Variants in PPP1R13B observed in about 807,000 individuals in gnomAD.
PPP1R13B encodes the protein protein phosphatase 1 regulatory subunit 13B.
A neutral mutation model predicts 119.8 loss-of-function variants in PPP1R13B; 44 were observed. That is an observed-to-expected ratio of 0.37 (90% CI 0.29 to 0.47). The LOEUF is 0.47. Ranked by LOEUF, PPP1R13B falls within the 20% of genes least tolerant of loss-of-function variation. The pLI is 0.99. For synonymous variants in PPP1R13B, 542 were observed against 561.5 expected, an observed-to-expected ratio of 0.97 and a Z score of 0.49; for missense variants, 1,227 against 1,413.5, an observed-to-expected ratio of 0.87 and a Z score of 2.12.
intron 1 of PPP1R13B, among the ~76,000 whole-genome samples, chr14:103,812,628 AG>A (rs1375368043): frequency 1.3e-5 from 2 of 151,930 alleles, no homozygotes; most frequent in African/African-American, 4.8e-5. Context: ...CATGTTGGCC[AG>A]GCTGGTCTCG....
rs564274155 is a variant in PPP1R13B at position 103,847,517 on chromosome 14, C to G, written c.-210G>C. On this transcript the variant is annotated 5_prime_UTR_variant, in exon 1 of 17. Coordinates refer to ENST00000202556, the MANE Select transcript of PPP1R13B (RefSeq NM_015316.3). ...GCGCTGCGTCGCTGTCCCGGGCACC[C>G]GGCCGCCGCCGCCGCCGCCTCAACC... is the stretch of plus-strand genomic sequence containing the variant. The G allele has an allele frequency of 2.1e-4, 206 of 985,326 alleles. 1 individual carries two copies. The African/African-American group carries it at 3.5e-3, about 17-fold the overall frequency. 61.0% of individuals were successfully genotyped at this position (985,326 alleles called of 1,614,324 possible).
intron 4 of PPP1R13B, 33 bp from the exon 5 acceptor site, chr14:103,757,784 T>G: frequency 6.4e-7 from 1 of 1,560,726 alleles, no homozygotes; most frequent in East Asian, 2.2e-5. Context: ...GGAACATAAG[T>G]TTATCTGCAT....
chr14:103,804,530 G>A (rs1186351109), intron 1 of PPP1R13B, among the ~76,000 whole-genome samples: 2 of 151,922 alleles, frequency 1.3e-5, no homozygotes, highest in African/African-American at 4.8e-5. Flanking sequence ...TGAGACCAAC[G>A]TGGGCAACAT....
chr14:103,767,988 T>A (rs999145158), intron 4 of PPP1R13B, among the ~76,000 whole-genome samples: 7 of 152,206 alleles, frequency 4.6e-5, no homozygotes, highest in African/African-American at 1.7e-4. Context: ...GAGAGGAGAC[T>A]TCAGGTGGCC....
At chr14:103,754,789 T>C (rs185668636) in intron 5 of PPP1R13B, among the ~76,000 whole-genome samples, 1 of 151,610 alleles carries the variant, frequency 6.6e-6, no homozygotes. Context: ...CTTCTTTTTT[T>C]TTTCTTTTGA....
chr14:103,848,031 G>A (rs1007516548), upstream of PPP1R13B, among the ~76,000 whole-genome samples: 1 of 151,756 alleles, frequency 6.6e-6, no homozygotes, highest in African/African-American at 2.4e-5. Context: ...CGCGCCGTGG[G>A]GCTGCGGCCC....
At chr14:103,763,148 C>T (rs1045778706) in intron 4 of PPP1R13B, 2 of 636,704 alleles carry the variant, frequency 3.1e-6, no homozygotes, top group East Asian at 5.5e-5. Flanking sequence ...CACCTTATGA[C>T]AGGGATAATG....
intron 9 of PPP1R13B, chr14:103,743,782 G>A (rs925141392): frequency 2.6e-5 from 4 of 152,312 alleles, no homozygotes; most frequent in Non-Finnish European, 5.9e-5. Flanking sequence ...CCAGAACTCC[G>A]GACTCATAGC....
chr14:103,778,253 C>A (rs1430319502), intron 4 of PPP1R13B, among the ~76,000 whole-genome samples: 2 of 148,566 alleles, frequency 1.3e-5, no homozygotes, highest in East Asian at 4.0e-4. Flanking sequence ...CCACGCCTGG[C>A]CACATCTGAC....
intron 1 of PPP1R13B, among the ~76,000 whole-genome samples, chr14:103,837,772 A>AT (rs2086810707): frequency 6.6e-6 from 1 of 152,142 alleles, no homozygotes. Context: ...TGGCTCTAGA[A>AT]TTATCTTTCT....
In PPP1R13B at chr14:103,793,898, C is replaced by G. The variant is rs548774072; in HGVS notation, c.157+3473G>C. On this transcript the variant is annotated intron_variant, in intron 2 of 16. Coordinates refer to ENST00000202556, the MANE Select transcript of PPP1R13B (RefSeq NM_015316.3). ...GTTGTAGTCCTGACCTCAAGTACCT[C>G]GAAATTTAACTGTATTTGGAGACAG... Among the ~76,000 whole-genome samples, 60 of 152,172 alleles carry G rather than the reference C, an allele frequency of 3.9e-4. No homozygotes were observed. In the South Asian group the frequency reaches 4.1e-3, roughly 11 times the overall value.
intron 4 of PPP1R13B, among the ~76,000 whole-genome samples, chr14:103,767,597 G>C (rs577474232): frequency 3.9e-5 from 6 of 152,078 alleles, no homozygotes; most frequent in African/African-American, 1.4e-4. Flanking sequence ...AACACAGCTT[G>C]CTTAAAATCC....
Position 103,806,940 on chromosome 14 carries a change from C to T in PPP1R13B, c.10-9422G>A, listed in dbSNP as rs573992300. On this transcript the variant is annotated intron_variant, in intron 1 of 16. Coordinates refer to ENST00000202556, the MANE Select transcript of PPP1R13B (RefSeq NM_015316.3). ...ACTCATTCATCTGTTTCCACTCTCA[C>T]CCTTCAGATACATCACTTCATTCAA... Among the ~76,000 whole-genome samples, 13 of 152,328 alleles carry T rather than the reference C, an allele frequency of 8.5e-5. No homozygotes were observed. In the South Asian group the frequency reaches 2.7e-3, roughly 32 times the overall value.
intron 4 of PPP1R13B, among the ~76,000 whole-genome samples, chr14:103,765,187 A>C (rs2084911289): frequency 6.6e-6 from 1 of 152,154 alleles, no homozygotes; most frequent in South Asian, 2.1e-4. Flanking sequence ...TTTGTTCGTG[A>C]TGTCTTATTT....
Position 103,737,872 on chromosome 14 carries a change from C to A in PPP1R13B, c.2865-12G>T. ...AGTGCAGCGGCGTCCTGGAATAGAG[C>A]GTGGGTGAAGGTGCAGGCCTGGCAC... is the stretch of plus-strand genomic sequence containing the variant. On this transcript the variant is annotated splice_polypyrimidine_tract_variant and intron_variant, in intron 14 of 16. Transcript: ENST00000202556. 6.2e-7 allele frequency: 1 copy of A among 1,610,606 alleles called. No homozygotes were observed. Among genetic ancestry groups the A allele is most frequent in the Non-Finnish European group, 8.5e-7 (1 of 1,178,434 alleles).
chr14:103,770,657 C>T (rs1019170231), intron 4 of PPP1R13B, among the ~76,000 whole-genome samples: 1 of 152,094 alleles, frequency 6.6e-6, no homozygotes, highest in Non-Finnish European at 1.5e-5. Flanking sequence ...AAAACGCATC[C>T]CATGCCACAT....
chr14:103,746,393 G>A lies in PPP1R13B; in HGVS notation c.1130C>T (p.Ala377Val). 2 of 1,609,598 alleles carry A rather than the reference G, an allele frequency of 1.2e-6. No individual in the cohort carries two copies. Among genetic ancestry groups the A allele is most frequent in the East Asian group, 4.5e-5 (2 of 44,676 alleles). Residue 377 changes from alanine (A) to valine (V), a missense_variant, in exon 9 of 17, where the codon GCT becomes GTT. By Grantham distance (64) the Ala-to-Val change is moderately conservative. Transcript: ENST00000202556. ...PQSLSIASNAAHGRSKSANDG... is the reference protein window; with the variant it reads ...PQSLSIASNAVHGRSKSANDG... ...CTCACCGGATTTGGATCTTCCATGA[G>A]CAGCATTTGAGGCAATACTGAGAGA...
chr14:103,738,890 T>C lies in PPP1R13B; in HGVS notation c.2726A>G (p.Tyr909Cys). Residue 909 changes from tyrosine to cysteine, a missense_variant, in exon 13 of 17, where the codon TAT becomes TGT. Coordinates refer to ENST00000202556, the MANE Select transcript of PPP1R13B (RefSeq NM_015316.3). The surrounding 1 kb of genome is among the most constrained non-coding windows in gnomAD (Gnocchi z 5.6). Reference protein sequence around the residue: ...GEFDLVQRIIYEVEDPSKPND... With the variant: ...GEFDLVQRIICEVEDPSKPND... Reference sequence around the variant, plus strand: ...TGGTCCCCGGCTGCAGCTCACCTCATAGATGATCCTCTGCACCAGATCGAA... The same window carrying C: ...TGGTCCCCGGCTGCAGCTCACCTCACAGATGATCCTCTGCACCAGATCGAA... 3 of 1,613,774 alleles carry C rather than the reference T, an allele frequency of 1.9e-6. No individual in the cohort carries two copies. The highest frequency in any genetic ancestry group is 2.2e-5 in the East Asian group (1 of 44,864).
chr14:103,797,704 A>G (rs1595787540), intron 1 of PPP1R13B, among the ~76,000 whole-genome samples, 186 bp from the exon 2 acceptor site: 1 of 150,756 alleles, frequency 6.6e-6, no homozygotes, highest in East Asian at 1.9e-4. Context: ...CAAGTCAGGA[A>G]AATTCCAAAT....
Sources: gnomAD v4.1 joint callset for allele counts (sites outside exome capture counted in the v4.1 genomes callset) on GRCh38, gnomAD v4.1.1 for gene constraint, Gnocchi (gnomAD v3.1) non-coding constraint, MANE v1.5 for transcripts, NCBI Gene and HGNC (gene_info 2026-07-23, HGNC 2026-07-21) for gene names.